Variants in DAB1 observed in about 807,000 individuals in gnomAD.
The protein encoded by DAB1 is DAB adaptor protein 1, also known as disabled homolog 1.
DAB1 carries 15 observed loss-of-function variants against 64.6 expected under a neutral mutation model. The observed-to-expected ratio is 0.23, with a 90% CI of 0.16 to 0.36. The LOEUF is 0.36. DAB1 is among the 10% of genes least tolerant of loss of function. The pLI, the probability that DAB1 is intolerant of heterozygous loss-of-function variation, is 1.00. For missense variants in DAB1, 596 were observed against 706.7 expected, an observed-to-expected ratio of 0.84 and a Z score of 1.78; for synonymous variants, 235 against 251.9, an observed-to-expected ratio of 0.93 and a Z score of 0.64.
At chr1:57,454,604 T>C (rs1217074681) in intron 7 of DAB1, among the ~76,000 whole-genome samples, 1 of 152,128 alleles carries the variant, frequency 6.6e-6, no homozygotes, top group Non-Finnish European at 1.5e-5. Context: ...TAAACCCATG[T>C]GACACGAGTT....
At chr1:58,516,170 C>T (rs1646154812) in intron 2 of DAB1, among the ~76,000 whole-genome samples, 1 of 152,172 alleles carries the variant, frequency 6.6e-6, no homozygotes, top group South Asian at 2.1e-4. Context: ...CCCCCCACTT[C>T]CCCAATAACT....
intron 1 of DAB1, among the ~76,000 whole-genome samples, chr1:57,381,294 T>C (rs1681351990): frequency 6.6e-6 from 1 of 152,178 alleles, no homozygotes; most frequent in Non-Finnish European, 1.5e-5. Flanking sequence ...ACCTGTCAAA[T>C]GAGAGAGAAA....
chr1:58,429,952 C>A (rs1415242729), intron 3 of DAB1, among the ~76,000 whole-genome samples: 1 of 152,166 alleles, frequency 6.6e-6, no homozygotes, highest in Non-Finnish European at 1.5e-5. Context: ...TGTTCATAGG[C>A]CCCACAGGGC....
intron 7 of DAB1, among the ~76,000 whole-genome samples, chr1:57,641,202 T>C (rs1646123057): frequency 6.6e-6 from 1 of 152,038 alleles, no homozygotes; most frequent in Non-Finnish European, 1.5e-5. Context: ...GTTAGCTCAT[T>C]GCAGGGAAGC....
chr1:58,114,891 T>A (rs1652227465), intron 5 of DAB1, among the ~76,000 whole-genome samples: 1 of 152,296 alleles, frequency 6.6e-6, no homozygotes, highest in East Asian at 1.9e-4. Context: ...GCCCCGCCCA[T>A]CATTTGTTAA....
At chr1:57,007,294 GT>G (rs1167268068) in intron 14 of DAB1, among the ~76,000 whole-genome samples, 1 of 152,168 alleles carries the variant, frequency 6.6e-6, no homozygotes, top group Non-Finnish European at 1.5e-5. Flanking sequence ...CTGATAGGCA[GT>G]TTATTTACTT....
intron 5 of DAB1, among the ~76,000 whole-genome samples, chr1:58,110,651 T>A (rs1651920335): frequency 6.6e-6 from 1 of 152,180 alleles, no homozygotes; most frequent in African/African-American, 2.4e-5. Flanking sequence ...CACACTCTCT[T>A]TGTCCTGCAG....
intron 6 of DAB1, among the ~76,000 whole-genome samples, chr1:57,665,054 C>T (rs954029177): frequency 2.6e-5 from 4 of 151,762 alleles, no homozygotes; most frequent in Non-Finnish European, 5.9e-5. Flanking sequence ...AAAACCTACG[C>T]CATAAACAAT....
intron 3 of DAB1, among the ~76,000 whole-genome samples, chr1:58,462,113 CTT>C (rs1168740907): frequency 1.1e-4 from 6 of 54,258 alleles, no homozygotes; most frequent in African/African-American, 3.2e-4. Context: ...GAGAAGGTTT[CTT>C]TTTTTTTTTT....
intron 7 of DAB1, among the ~76,000 whole-genome samples, chr1:57,532,055 T>C (rs1039525266): frequency 6.6e-5 from 10 of 152,202 alleles, no homozygotes; most frequent in Admixed American, 6.5e-4. Context: ...TTTTTAACAA[T>C]GGCTATTCAA....
At chr1:58,274,716 C>T (rs368226906) in intron 4 of DAB1, among the ~76,000 whole-genome samples, 1 of 152,192 alleles carries the variant, frequency 6.6e-6, no homozygotes, top group African/African-American at 2.4e-5. Flanking sequence ...TGGTTCGCCG[C>T]TTTTTAAGCC....
chr1:57,103,289 CTG>C (rs1423087442), intron 4 of DAB1, among the ~76,000 whole-genome samples: 1 of 152,164 alleles, frequency 6.6e-6, no homozygotes, highest in Non-Finnish European at 1.5e-5. Flanking sequence ...TTACACGTCA[CTG>C]CAGATGTGTT....
chr1:58,039,966 CA>C (rs546207614), intron 5 of DAB1, among the ~76,000 whole-genome samples: 2 of 151,852 alleles, frequency 1.3e-5, no homozygotes, highest in African/African-American at 2.4e-5. Context: ...GCAAAACTAG[CA>C]AAAAAATATA....
chr1:58,454,979 C>T (rs1245083454), intron 3 of DAB1, among the ~76,000 whole-genome samples: 1 of 152,230 alleles, frequency 6.6e-6, no homozygotes, highest in East Asian at 1.9e-4. Context: ...TCCGAAACTG[C>T]ATTTGCACAT....
intron 7 of DAB1, among the ~76,000 whole-genome samples, chr1:57,534,247 T>C (rs1644699184): frequency 1.3e-5 from 2 of 152,136 alleles, no homozygotes; most frequent in Admixed American, 1.3e-4. Flanking sequence ...CCCTTTGCAA[T>C]GGTGGCAGTT....
chr1:58,040,039 T>A (rs1473964922), intron 5 of DAB1, among the ~76,000 whole-genome samples: 1 of 152,176 alleles, frequency 6.6e-6, no homozygotes, highest in East Asian at 1.9e-4. Flanking sequence ...GGTGGGCAGC[T>A]GGGAGGAATG....
At chr1:57,515,712 T>C (rs1180197334) in intron 7 of DAB1, among the ~76,000 whole-genome samples, 1 of 152,228 alleles carries the variant, frequency 6.6e-6, no homozygotes, top group Admixed American at 6.5e-5. Flanking sequence ...TCCTTTGTTC[T>C]TTCCTTCAAC....
intron 4 of DAB1, among the ~76,000 whole-genome samples, chr1:58,288,046 G>GAAAA (rs1251305784): frequency 8.9e-6 from 1 of 111,876 alleles, no homozygotes; most frequent in African/African-American, 3.6e-5. Context: ...AAAAAAAAAA[G>GAAAA]AAAAAAAAGA....
intron 4 of DAB1, among the ~76,000 whole-genome samples, chr1:58,309,272 T>C (rs1045581623): frequency 1.2e-4 from 19 of 152,154 alleles, no homozygotes; most frequent in African/African-American, 4.6e-4. Flanking sequence ...TGTCAAACAA[T>C]GGATTATATT....
Sources: allele counts gnomAD v4.1 joint callset (sites outside exome capture counted in the v4.1 genomes callset), GRCh38; gene constraint gnomAD v4.1.1; transcripts MANE v1.5; gene names NCBI Gene and HGNC (gene_info 2026-07-23, HGNC 2026-07-21).